DMXL1: variants seen among roughly 807,000 people sequenced by gnomAD.
The protein encoded by DMXL1 is Dmx like 1, also known as dmX-like protein 1.
In DMXL1, 99 loss-of-function variants were observed where a neutral mutation model predicts 319.2. The observed-to-expected ratio is 0.31, with a 90% CI of 0.26 to 0.37. DMXL1 has a LOEUF of 0.37. Ranked by LOEUF, DMXL1 falls within the 10% of genes least tolerant of loss-of-function variation. DMXL1 has a pLI of 1.00. For synonymous variants in DMXL1, 1,385 were observed against 1,235.2 expected, an observed-to-expected ratio of 1.12 and a Z score of -2.54; for missense variants, 3,745 against 3,595.6, an observed-to-expected ratio of 1.04 and a Z score of -1.06.
At chr5:119,075,505 C>T (rs1252547511) in intron 1 of DMXL1, among the ~76,000 whole-genome samples, 1 of 152,102 alleles carries the variant, frequency 6.6e-6, no homozygotes, top group Non-Finnish European at 1.5e-5. Flanking sequence ...TCCCCACGTA[C>T]TGGGATTACA....
rs377179010 is a variant in DMXL1, at chr5:119,149,707, T to G, written c.3880T>G (p.Cys1294Gly). The G allele has an allele frequency of 4.3e-6, 7 of 1,614,028 alleles. No individual in the cohort carries two copies. Among genetic ancestry groups the G allele is most frequent in the Non-Finnish European group, 5.9e-6 (7 of 1,179,946 alleles). The change falls in exon 18 of 44, where the codon TGT becomes GGT. Residue 1294 changes from cysteine to glycine, a missense_variant. This residue lies in a region of DMXL1 where 2,096 missense variants were observed against 1,985.4 expected (regional missense o/e 1.06). Coordinates refer to ENST00000539542, the MANE Select transcript of DMXL1 (RefSeq NM_001290321.3). The stretch of plus-strand genomic sequence containing the variant: ...CATGACCAGTCTTGCACAGAAAATC[T>G]GTGGAAAGAAAACTGCATTCGATCC... The part of the protein sequence containing the change: ...RSMTSLAQKI[C>G]GKKTAFDPSV...
At chr5:119,204,692 T>C (rs1002410125) in intron 33 of DMXL1, among the ~76,000 whole-genome samples, 1 of 152,168 alleles carries the variant, frequency 6.6e-6, no homozygotes, top group Non-Finnish European at 1.5e-5. Flanking sequence ...GATGCAGTGA[T>C]GTAGTCAATT....
Position 119,071,274 on chromosome 5 carries a change from T to G in DMXL1, c.-296T>G. ...TCCTGGCCGGTGAGTCGGCCCCGGG[T>G]CGTGGCCGGTGAGGGGACCCTGAGC... On this transcript the variant is annotated 5_prime_UTR_variant, in exon 1 of 44. Transcript: ENST00000539542. 1 of 401,048 alleles carries G rather than the reference T, an allele frequency of 2.5e-6. No homozygotes were observed. The highest frequency in any genetic ancestry group is 4.5e-6 in the Non-Finnish European group (1 of 220,558). The allele number at this position is 401,048 out of a possible 1,614,324, so 24.8% of individuals were successfully genotyped here. A position where few individuals can be genotyped will look rare whatever the true frequency, so the allele number is the denominator to read the frequency against.
At chr5:119,246,897 TGCTGGGATTACAG>T in intron 43 of DMXL1, 85 bp from the exon 44 acceptor site, 1 of 836,462 alleles carries the variant, frequency 1.2e-6, no homozygotes, top group South Asian at 1.8e-5. Context: ...CCTCCCAAAG[TGCTGGGATTACAG>T]GCATGAGCCA....
At chr5:119,115,364 G>A (rs958255723) in intron 6 of DMXL1, among the ~76,000 whole-genome samples, 16 of 152,110 alleles carry the variant, frequency 1.1e-4, no homozygotes, top group Non-Finnish European at 8.8e-5. Flanking sequence ...TCTTTAGTGT[G>A]TATACTTTAT....
At chr5:119,094,680 T>C (rs1161524637) in intron 1 of DMXL1, among the ~76,000 whole-genome samples, 1 of 152,180 alleles carries the variant, frequency 6.6e-6, no homozygotes, top group Non-Finnish European at 1.5e-5. Flanking sequence ...ATTGAAAACC[T>C]TCTGGAAAGG....
chr5:119,134,225 A>G (rs944892136), intron 12 of DMXL1, 43 bp from the exon 13 acceptor site: 2 of 1,605,184 alleles, frequency 1.2e-6, no homozygotes, highest in African/African-American at 2.7e-5. Context: ...TGCTGACATT[A>G]TCATCAAAGG....
chr5:119,178,857 A>T (rs1254295354), intron 28 of DMXL1, among the ~76,000 whole-genome samples: 1 of 152,236 alleles, frequency 6.6e-6, no homozygotes, highest in Non-Finnish European at 1.5e-5. Context: ...TTAGCAGTTT[A>T]GAAAACTATC....
chr5:119,141,540 A>G lies in DMXL1; in HGVS notation c.2377-2301A>G, dbSNP rs184007372. 3.1e-3 allele frequency among the ~76,000 whole-genome samples: 477 copies of G among 152,288 alleles called. 3 individuals are homozygous for G. The highest frequency in any genetic ancestry group is 0.011 in the African/African-American group (443 of 41,574). On this transcript the variant is annotated intron_variant, in intron 13 of 43. Transcript: ENST00000539542. Reference sequence around the variant, plus strand: ...GAATAAAATACCTAGGAATACAGCTATCCAGGGGGGTGGAAGATCTCTACA... The same window carrying G: ...GAATAAAATACCTAGGAATACAGCTGTCCAGGGGGGTGGAAGATCTCTACA...
chr5:119,128,233 G>A (rs186099876), intron 9 of DMXL1: 107 of 361,982 alleles, frequency 3.0e-4, no homozygotes, highest in Admixed American at 6.6e-4. Context: ...AGAATACAGA[G>A]TGAAGAATAA....
chr5:119,197,749 T>A lies in DMXL1; in HGVS notation c.7544-6T>A. 1 of 1,613,810 alleles carries A rather than the reference T, an allele frequency of 6.2e-7. No individual in the cohort carries two copies. ...AGATTAATATGAGTCAATGTTCCCA[T>A]TTTAGAGCTTCCAGTTAGTTCACCT... On this transcript the variant is annotated splice_region_variant and splice_polypyrimidine_tract_variant and intron_variant, in intron 31 of 43. Coordinates refer to ENST00000539542, the MANE Select transcript of DMXL1 (RefSeq NM_001290321.3).
Position 119,147,366 on chromosome 5 carries a change from A to G in DMXL1, c.2807A>G (p.Asn936Ser). Residue 936 changes from asparagine (N) to serine (S), a missense_variant, in exon 17 of 44, where the codon AAT (asparagine) becomes AGT (serine). Asn to Ser is a conservative substitution (Grantham distance 46, BLOSUM62 1). This residue lies in a region of DMXL1 where 2,096 missense variants were observed against 1,985.4 expected (regional missense o/e 1.06). Transcript: ENST00000539542. Reference protein sequence around the residue: ...FSQKYQACRANLQSTSRLTLF... With the variant: ...FSQKYQACRASLQSTSRLTLF... ...CAAAAGTATCAGGCTTGCAGAGCAA[A>G]TCTCCAGAGTACCAGCAGGTTGACT... 6.2e-7 allele frequency: 1 copy of G among 1,613,544 alleles called. No individual in the cohort carries two copies. The highest frequency in any genetic ancestry group is 1.1e-5 in the South Asian group (1 of 91,064).
At chr5:119,128,174 C>T in intron 9 of DMXL1, 1 of 475,594 alleles carries the variant, frequency 2.1e-6, no homozygotes, top group South Asian at 1.6e-5. Context: ...TTGCATAGTT[C>T]CACCTGCACG....
chr5:119,237,498 T>C (rs1787972851), intron 40 of DMXL1, 84 bp downstream of exon 40: 2 of 796,464 alleles, frequency 2.5e-6, no homozygotes, highest in Non-Finnish European at 4.3e-6. Context: ...ACAAGAAATA[T>C]AGAACTAATA....
Position 119,177,551 on chromosome 5 carries a change from CTT to C in DMXL1, c.6886+70_6886+71del, listed in dbSNP as rs58575867. The C allele has an allele frequency of 2.3e-5, 31 of 1,367,078 alleles. No homozygotes were observed. In the African/African-American group the frequency reaches 4.4e-4, roughly 19 times the overall value. 84.7% of individuals were successfully genotyped at this position (1,367,078 alleles called of 1,614,324 possible). ...TTATAATCTTAGATAAGTAGAAAGA[CTT>C]TTAGTTTTGCCACATGATAATCATT... is the stretch of plus-strand genomic sequence containing the variant. On this transcript the variant is annotated intron_variant, in intron 27 of 43. Transcript: ENST00000539542.
rs773205071 is a variant in DMXL1, at chr5:119,118,795, A to G, written c.744-20A>G. ...ATGTGAAATTTGTATTTTTGCTTCT[A>G]AAATCTTTTCATTCCTTAGGGCTTC... On this transcript the variant is annotated intron_variant, in intron 7 of 43. Coordinates refer to ENST00000539542, the MANE Select transcript of DMXL1 (RefSeq NM_001290321.3). 1.0e-5 allele frequency: 16 copies of G among 1,562,696 alleles called. No homozygotes were observed. Among genetic ancestry groups the G allele is most frequent in the Non-Finnish European group, 7.8e-6 (9 of 1,155,244 alleles).
chr5:119,242,102 G>GT (rs1788936283), intron 42 of DMXL1, among the ~76,000 whole-genome samples: 1 of 152,130 alleles, frequency 6.6e-6, no homozygotes, highest in South Asian at 2.1e-4. Context: ...AAATAGACTA[G>GT]TATCTACATA....
chr5:119,122,268 C>G (rs1484256165), intron 9 of DMXL1, among the ~76,000 whole-genome samples: 3 of 143,940 alleles, frequency 2.1e-5, no homozygotes, highest in Non-Finnish European at 3.1e-5. Flanking sequence ...GGGGGGCCGA[C>G]CACCCCACCT....
At chr5:119,173,698 GTATATATATA>G (rs374795634) in intron 25 of DMXL1, among the ~76,000 whole-genome samples, 4 of 55,904 alleles carry the variant, frequency 7.2e-5, no homozygotes, top group Non-Finnish European at 9.7e-5. Flanking sequence ...GTGTGTGTGT[GTATATATATA>G]TGTGTGTGTG....
Sources: gnomAD v4.1 joint callset for allele counts (sites outside exome capture counted in the v4.1 genomes callset) on GRCh38, gnomAD v4.1.1 for gene constraint, gnomAD v4.1.1 regional missense constraint, MANE v1.5 for transcripts, NCBI Gene and HGNC (gene_info 2026-07-23, HGNC 2026-07-21) for gene names.